Variants in STPG2 observed in about 807,000 individuals in gnomAD.
The protein encoded by STPG2 is sperm tail PG-rich repeat containing 2, also known as sperm-tail PG-rich repeat-containing protein 2.
STPG2 carries 56 observed loss-of-function variants against 54.2 expected under a neutral mutation model. The observed-to-expected ratio is 1.03, with a 90% CI of 0.83 to 1.29. The LOEUF is 1.29. Ranked by LOEUF, STPG2 falls within the 50% of genes most tolerant of loss-of-function variation. The pLI is 0.00. For missense variants in STPG2, 596 were observed against 544.9 expected, an observed-to-expected ratio of 1.09 and a Z score of -0.93; for synonymous variants, 200 against 181.8, an observed-to-expected ratio of 1.10 and a Z score of -0.81.
chr4:98,127,640 T>C (rs1306079724), intron 3 of STPG2, among the ~76,000 whole-genome samples: 2 of 152,232 alleles, frequency 1.3e-5, no homozygotes, highest in Non-Finnish European at 2.9e-5. Context: ...CGAAGTACTA[T>C]GTATTTCTGT....
chr4:98,077,262 G>GTTGTTGT (rs1307282173), intron 5 of STPG2, among the ~76,000 whole-genome samples: 5 of 98,712 alleles, frequency 5.1e-5, no homozygotes, highest in African/African-American at 2.3e-4. Context: ...GTTGTTGTTG[G>GTTGTTGT]AGACAGAGTC....
At chr4:97,713,755 G>GCC (rs1724203809) in intron 9 of STPG2, among the ~76,000 whole-genome samples, 1 of 152,158 alleles carries the variant, frequency 6.6e-6, no homozygotes, top group South Asian at 2.1e-4. Flanking sequence ...ACAGGTATAG[G>GCC]TCCTTGGCCC....
chr4:97,471,916 G>A (rs1054542657), intron 4 of STPG2, among the ~76,000 whole-genome samples: 3 of 151,992 alleles, frequency 2.0e-5, no homozygotes, highest in African/African-American at 4.8e-5. Flanking sequence ...CATCCCAATG[G>A]TAAATAAAAT....
At chr4:97,956,926 A>G (rs1332059027) in intron 7 of STPG2, among the ~76,000 whole-genome samples, 1 of 152,186 alleles carries the variant, frequency 6.6e-6, no homozygotes, top group African/African-American at 2.4e-5. Context: ...GTTCATTAAC[A>G]TCCTCAAAAA....
chr4:97,910,210 C>CT (rs1433593274), intron 8 of STPG2, among the ~76,000 whole-genome samples: 1 of 152,204 alleles, frequency 6.6e-6, no homozygotes, highest in African/African-American at 2.4e-5. Context: ...GCTGCAGAAA[C>CT]TCTTGGGCAG....
At chr4:97,934,726 A>G (rs537004195) in intron 8 of STPG2, among the ~76,000 whole-genome samples, 2 of 152,266 alleles carry the variant, frequency 1.3e-5, no homozygotes, top group Non-Finnish European at 2.9e-5. Context: ...ACCGTTGTGG[A>G]TAAGCTTTTT....
At chr4:97,819,208 GT>G (rs1213854634) in intron 9 of STPG2, among the ~76,000 whole-genome samples, 2 of 151,750 alleles carry the variant, frequency 1.3e-5, no homozygotes, top group Non-Finnish European at 2.9e-5. Flanking sequence ...GACCAAAAAA[GT>G]TATACATTTT....
intron 8 of STPG2, among the ~76,000 whole-genome samples, chr4:97,896,439 C>G (rs980327146): frequency 6.6e-6 from 1 of 151,608 alleles, no homozygotes; most frequent in Non-Finnish European, 1.5e-5. Flanking sequence ...CAAAAGTAAA[C>G]AAGTGCAGTT....
At chr4:97,660,004 CTTT>C (rs1274412068) in intron 10 of STPG2, among the ~76,000 whole-genome samples, 3 of 140,908 alleles carry the variant, frequency 2.1e-5, no homozygotes, top group Admixed American at 7.1e-5. Context: ...ATCTTTCTTT[CTTT>C]TTTTTTTTTT....
chr4:97,659,818 C>A (rs1722322945), intron 10 of STPG2, among the ~76,000 whole-genome samples: 1 of 152,142 alleles, frequency 6.6e-6, no homozygotes, highest in African/African-American at 2.4e-5. Context: ...ACCTGGTGGA[C>A]ACATATTTTA....
chr4:97,872,574 A>G (rs1237730455), intron 8 of STPG2, among the ~76,000 whole-genome samples: 1 of 151,348 alleles, frequency 6.6e-6, no homozygotes. Context: ...AAAAATCTGG[A>G]AAACACACAC....
At chr4:97,622,215 A>T (rs1250351381) in intron 10 of STPG2, among the ~76,000 whole-genome samples, 2 of 152,182 alleles carry the variant, frequency 1.3e-5, no homozygotes, top group African/African-American at 4.8e-5. Context: ...GAATACTGGA[A>T]CAAGACAAGG....
rs529361035 is a variant in STPG2 at position 97,909,699 on chromosome 4, T to C, written c.1044+34198A>G. Reference sequence around the variant, plus strand: ...ACTTGATAAGAGAATTAAAAAATCATAAGTAACCCAATAGATTTGAAAAAA... The same window carrying C: ...ACTTGATAAGAGAATTAAAAAATCACAAGTAACCCAATAGATTTGAAAAAA... On this transcript the variant is annotated intron_variant, in intron 8 of 10. Coordinates refer to ENST00000295268, the MANE Select transcript of STPG2 (RefSeq NM_174952.3). Among the ~76,000 whole-genome samples the C allele has an allele frequency of 9.9e-5, 15 of 152,276 alleles. No individual in the cohort carries two copies. In the East Asian group the frequency reaches 2.9e-3, roughly 29 times the overall value.
chr4:97,738,279 G>A (rs1008559698), intron 9 of STPG2, among the ~76,000 whole-genome samples: 4 of 152,098 alleles, frequency 2.6e-5, no homozygotes, highest in East Asian at 1.9e-4. Flanking sequence ...AAAGACCATC[G>A]AGGCTAGGAA....
chr4:97,539,239 C>T (rs1731626801), intron 4 of STPG2, among the ~76,000 whole-genome samples: 1 of 152,118 alleles, frequency 6.6e-6, no homozygotes, highest in African/African-American at 2.4e-5. Context: ...TTAAAAGACA[C>T]AGACTGGTAA....
intron 8 of STPG2, among the ~76,000 whole-genome samples, chr4:97,906,874 A>C (rs1323099786): frequency 2.6e-5 from 4 of 152,180 alleles, no homozygotes; most frequent in Non-Finnish European, 4.4e-5. Context: ...TCTCAAAATA[A>C]TAAGAGCTAT....
intron 10 of STPG2, among the ~76,000 whole-genome samples, chr4:97,630,711 T>C (rs1468251778): frequency 1.3e-5 from 2 of 151,782 alleles, no homozygotes; most frequent in Non-Finnish European, 3.0e-5. Context: ...TTAAGTGTAT[T>C]GTAAAAATAT....
intron 10 of STPG2, among the ~76,000 whole-genome samples, chr4:97,667,314 T>C (rs986886063): frequency 3.9e-5 from 6 of 152,174 alleles, no homozygotes; most frequent in African/African-American, 1.4e-4. Context: ...TATAAAAACA[T>C]AAACAAAGAA....
At chr4:97,941,510 G>C (rs1216561177) in intron 8 of STPG2, among the ~76,000 whole-genome samples, 2 of 151,872 alleles carry the variant, frequency 1.3e-5, no homozygotes, top group Non-Finnish European at 2.9e-5. Flanking sequence ...TAATGCTTAT[G>C]TCATGGTTTT....
Sources: allele counts gnomAD v4.1 joint callset (sites outside exome capture counted in the v4.1 genomes callset), GRCh38; gene constraint gnomAD v4.1.1; transcripts MANE v1.5; gene names NCBI Gene and HGNC (gene_info 2026-07-23, HGNC 2026-07-21).